EPHA6: variants seen among roughly 807,000 people sequenced by gnomAD.
EPHA6 encodes the protein EPH receptor A6, also known as ephrin type-A receptor 6.
A neutral mutation model predicts 112.0 loss-of-function variants in EPHA6; 50 were observed. That is an observed-to-expected ratio of 0.45 (90% CI 0.36 to 0.56). The LOEUF (loss-of-function observed/expected upper bound fraction) is 0.56. Among genes scored for constraint, EPHA6 ranks in the 20% least tolerant of loss-of-function variants. EPHA6 has a pLI of 0.00. For missense variants in EPHA6, 1,280 were observed against 1,417.4 expected, an observed-to-expected ratio of 0.90 and a Z score of 1.56; for synonymous variants, 529 against 490.7, an observed-to-expected ratio of 1.08 and a Z score of -1.03.
chr3:96,823,956 ATTG>A (rs2033467611), intron 1 of EPHA6, among the ~76,000 whole-genome samples: 1 of 151,828 alleles, frequency 6.6e-6, no homozygotes, highest in Non-Finnish European at 1.5e-5. Context: ...CTCCAATTTT[ATTG>A]TTATTTTTAC....
intron 3 of EPHA6, among the ~76,000 whole-genome samples, chr3:96,997,507 G>A (rs540787866): frequency 4.6e-4 from 70 of 151,964 alleles, no homozygotes; most frequent in Admixed American, 8.5e-4. Context: ...CAATATTGCC[G>A]TGTCTCAGAG....
intron 3 of EPHA6, among the ~76,000 whole-genome samples, chr3:97,149,428 T>C (rs572391241): frequency 6.6e-6 from 1 of 152,116 alleles, no homozygotes; most frequent in East Asian, 1.9e-4. Context: ...GCAGCAAGAA[T>C]CTATCATCTG....
Position 97,736,004 on chromosome 3 carries a change from A to G in EPHA6, c.3014A>G (p.His1005Arg), listed in dbSNP as rs932555227. 4 of 1,612,440 alleles carry G rather than the reference A, an allele frequency of 2.5e-6. No homozygotes were observed. In the African/African-American group the frequency reaches 5.3e-5, roughly 22 times the overall value. ...GCATCTCTACACCAGCTGATGCTCC[A>G]CTGCTGGCAGAAGGAGAGAAATCAC... is the stretch of plus-strand genomic sequence containing the variant. ...CPASLHQLML[H>R]CWQKERNHRP... The change falls in exon 16 of 18, where the codon CAC becomes CGC. Residue 1005 changes from histidine to arginine, a missense_variant. Coordinates refer to ENST00000389672, the MANE Select transcript of EPHA6 (RefSeq NM_001080448.3).
chr3:97,103,711 G>A (rs900799341), intron 3 of EPHA6, among the ~76,000 whole-genome samples: 5 of 152,104 alleles, frequency 3.3e-5, no homozygotes, highest in Middle Eastern at 3.4e-3. Context: ...GATAGGAATC[G>A]CACTGAATCT....
rs535986834 is a variant in EPHA6 at position 97,652,724 on chromosome 3, G to C, written c.2784+14642G>C. ...AGCCTAAGGAGTTAAACCCAATGCTGAGTATGGCCAAGTAGGAAGATCTAA... is the reference window on the plus strand; with the variant it reads ...AGCCTAAGGAGTTAAACCCAATGCTCAGTATGGCCAAGTAGGAAGATCTAA... On this transcript the variant is annotated intron_variant, in intron 14 of 17. Coordinates refer to ENST00000389672, the MANE Select transcript of EPHA6 (RefSeq NM_001080448.3). 3.2e-4 allele frequency among the ~76,000 whole-genome samples: 48 copies of C among 152,104 alleles called. No individual in the cohort carries two copies. In the East Asian group the frequency reaches 7.4e-3, roughly 23 times the overall value.
chr3:97,566,763 T>C (rs1266643693), intron 11 of EPHA6, among the ~76,000 whole-genome samples: 2 of 152,212 alleles, frequency 1.3e-5, no homozygotes, highest in Non-Finnish European at 2.9e-5. Flanking sequence ...CTTTCTTCAA[T>C]AATGGCTTTA....
intron 10 of EPHA6, among the ~76,000 whole-genome samples, chr3:97,522,425 T>G (rs993541272): frequency 2.0e-5 from 3 of 152,200 alleles, no homozygotes; most frequent in Non-Finnish European, 4.4e-5. Context: ...CTGACTATTT[T>G]TATGTGCTGT....
chr3:97,646,871 A>G (rs200588705), intron 14 of EPHA6, among the ~76,000 whole-genome samples: 1 of 152,186 alleles, frequency 6.6e-6, no homozygotes, highest in Non-Finnish European at 1.5e-5. Flanking sequence ...AAAGCTGAAC[A>G]GGAAAGATGT....
chr3:97,573,475 T>C (rs2093354031), intron 11 of EPHA6, among the ~76,000 whole-genome samples: 1 of 152,188 alleles, frequency 6.6e-6, no homozygotes, highest in African/African-American at 2.4e-5. Flanking sequence ...AGTTTACATC[T>C]GGTATACAAT....
chr3:97,182,754 G>A (rs2108455343), intron 3 of EPHA6, among the ~76,000 whole-genome samples: 1 of 152,178 alleles, frequency 6.6e-6, no homozygotes, highest in East Asian at 1.9e-4. Context: ...TTTTAAAAAA[G>A]TCTTCACACA....
At chr3:97,253,411 A>G (rs1346042443) in intron 5 of EPHA6, among the ~76,000 whole-genome samples, 1 of 152,210 alleles carries the variant, frequency 6.6e-6, no homozygotes, top group Non-Finnish European at 1.5e-5. Context: ...ACATTCTAAT[A>G]GGTCTAAGGG....
At chr3:96,918,947 G>A (rs1237488871) in intron 2 of EPHA6, among the ~76,000 whole-genome samples, 1 of 151,902 alleles carries the variant, frequency 6.6e-6, no homozygotes, top group African/African-American at 2.4e-5. Context: ...ATTTTATACA[G>A]TCGATAGCAG....
chr3:97,575,685 G>A (rs1246150520), intron 11 of EPHA6, among the ~76,000 whole-genome samples: 1 of 152,122 alleles, frequency 6.6e-6, no homozygotes, highest in Non-Finnish European at 1.5e-5. Flanking sequence ...AATCTGTGGG[G>A]AGCCTTTGAA....
chr3:97,417,661 G>A (rs2088241613), intron 6 of EPHA6, among the ~76,000 whole-genome samples: 1 of 152,116 alleles, frequency 6.6e-6, no homozygotes, highest in African/African-American at 2.4e-5. Flanking sequence ...TCAGTCTGGT[G>A]TAGTGAGTTT....
intron 7 of EPHA6, among the ~76,000 whole-genome samples, chr3:97,463,492 T>G (rs1462198256): frequency 1.3e-5 from 2 of 152,162 alleles, no homozygotes; most frequent in African/African-American, 2.4e-5. Flanking sequence ...GAGATGCACA[T>G]GTATGTGCCA....
intron 14 of EPHA6, among the ~76,000 whole-genome samples, chr3:97,698,570 T>C (rs1380887546): frequency 6.6e-6 from 1 of 152,220 alleles, no homozygotes; most frequent in African/African-American, 2.4e-5. Context: ...ACAATAGAGT[T>C]AATGTGTAAA....
At chr3:97,059,358 C>A (rs776175691) in intron 3 of EPHA6, among the ~76,000 whole-genome samples, 55 of 152,134 alleles carry the variant, frequency 3.6e-4, no homozygotes, top group Non-Finnish European at 6.8e-4. Context: ...AAATCTCAGA[C>A]CCCTTAGGGC....
At position 96,917,245 on chromosome 3, in the gene EPHA6, A is replaced by AC. The variant is rs747272400; in HGVS notation, c.450+50360dup. Among the ~76,000 whole-genome samples the AC allele has an allele frequency of 6.6e-5, 10 of 151,944 alleles. No individual in the cohort carries two copies. The East Asian group carries it at 2.0e-3, about 30-fold the overall frequency. ...AGACCAGCCTGACCAACAAGGTGAA[A>AC]CCCCATCTCTACTAAAAATGCAAAA... On this transcript the variant is annotated intron_variant, in intron 2 of 17. Coordinates refer to ENST00000389672, the MANE Select transcript of EPHA6 (RefSeq NM_001080448.3).
chr3:97,092,703 A>G (rs763051628), intron 3 of EPHA6, among the ~76,000 whole-genome samples: 5 of 152,058 alleles, frequency 3.3e-5, no homozygotes, highest in Non-Finnish European at 5.9e-5. Context: ...AAGAAGCCAT[A>G]TTATAATATC....
Sources: allele counts gnomAD v4.1 joint callset (sites outside exome capture counted in the v4.1 genomes callset), GRCh38; gene constraint gnomAD v4.1.1; transcripts MANE v1.5; gene names NCBI Gene and HGNC (gene_info 2026-07-23, HGNC 2026-07-21).